Variants in GPHN observed in about 807,000 individuals in gnomAD.
The protein encoded by GPHN is gephyrin.
In GPHN, 17 loss-of-function variants were observed where a neutral mutation model predicts 95.5. The ratio of observed to expected loss-of-function variants is 0.18; its 90% confidence interval spans 0.12 to 0.27. The LOEUF (loss-of-function observed/expected upper bound fraction) is 0.27. Ranked by LOEUF, GPHN falls within the 10% of genes least tolerant of loss-of-function variation. The pLI is 1.00. For synonymous variants in GPHN, 320 were observed against 322.5 expected, an observed-to-expected ratio of 0.99 and a Z score of 0.08; for missense variants, 660 against 978.1, an observed-to-expected ratio of 0.67 and a Z score of 4.34.
At chr14:67,690,420 A>C in the GPHN span, 1,164 of 1,613,778 alleles carry the variant, frequency 7.2e-4, 1 homozygote, top group Non-Finnish European at 9.2e-4. Context: ...GGAGGAAGTG[A>C]CCTGTTGAGA....
chr14:66,979,151 C>T (rs568969564), intron 9 of GPHN, among the ~76,000 whole-genome samples: 1 of 152,256 alleles, frequency 6.6e-6, no homozygotes, highest in African/African-American at 2.4e-5. Context: ...ATAGTACTTC[C>T]AGAATGGTCA....
the GPHN span, chr14:67,320,922 A>G: frequency 7.1e-6 from 5 of 705,582 alleles, no homozygotes; most frequent in Non-Finnish European, 1.2e-5. Flanking sequence ...TTAAACATGT[A>G]GGCACTTAGC....
the GPHN span, chr14:67,390,847 T>C: frequency 2.4e-6 from 2 of 830,086 alleles, no homozygotes; most frequent in Non-Finnish European, 4.3e-6. Context: ...GCCAGCCCGC[T>C]CCAATGGGAC....
At chr14:67,332,814 G>A in the GPHN span, 11 of 1,613,396 alleles carry the variant, frequency 6.8e-6, no homozygotes, top group African/African-American at 1.5e-4. Context: ...GAGAAGACAA[G>A]AGAGATGGAG....
At chr14:66,937,124 GC>G (rs2067168709) in intron 8 of GPHN, among the ~76,000 whole-genome samples, 1 of 151,612 alleles carries the variant, frequency 6.6e-6, no homozygotes, top group Non-Finnish European at 1.5e-5. Context: ...TGCTTCAGCT[GC>G]CCAAGTAGCT....
the GPHN span, among the ~76,000 whole-genome samples, chr14:67,554,264 A>G: frequency 6.6e-6 from 1 of 152,188 alleles, no homozygotes; most frequent in Non-Finnish European, 1.5e-5. Context: ...TAATTAAGGA[A>G]AGCAGAATTT....
At chr14:67,221,558 T>C in the GPHN span, among the ~76,000 whole-genome samples, 2 of 152,350 alleles carry the variant, frequency 1.3e-5, no homozygotes, top group Non-Finnish European at 2.9e-5. Context: ...CAATAAACTT[T>C]TACGGCTTTT....
At chr14:67,722,487 G>T in the GPHN span, 16 of 765,254 alleles carry the variant, frequency 2.1e-5, no homozygotes, top group African/African-American at 2.6e-4. Context: ...TCTGGGCTCT[G>T]CTCAGAGTCA....
At chr14:66,791,284 T>C (rs1566948760) in intron 3 of GPHN, among the ~76,000 whole-genome samples, 1 of 152,220 alleles carries the variant, frequency 6.6e-6, no homozygotes, top group Non-Finnish European at 1.5e-5. Context: ...CTTTGGGGGT[T>C]ATCAGGGAGA....
At chr14:66,996,191 G>C (rs377414909) in intron 9 of GPHN, 2 of 1,533,256 alleles carry the variant, frequency 1.3e-6, no homozygotes, top group Non-Finnish European at 1.7e-6. Flanking sequence ...GGCTTCCCTC[G>C]TGCTCATCTA....
At chr14:67,523,328 A>C in the GPHN span, among the ~76,000 whole-genome samples, 1 of 152,052 alleles carries the variant, frequency 6.6e-6, no homozygotes, top group Non-Finnish European at 1.5e-5. Flanking sequence ...ATCTCAAAAA[A>C]AAAAAAAAGA....
At chr14:67,067,852 A>C (rs574037897) in intron 11 of GPHN, among the ~76,000 whole-genome samples, 1 of 152,274 alleles carries the variant, frequency 6.6e-6, no homozygotes, top group Non-Finnish European at 1.5e-5. Context: ...TTCGAGGTAC[A>C]ATCTGTCACG....
chr14:66,822,202 G>A (rs757465429), intron 3 of GPHN, among the ~76,000 whole-genome samples: 1 of 152,100 alleles, frequency 6.6e-6, no homozygotes, highest in African/African-American at 2.4e-5. Context: ...CACCCACCTC[G>A]GCCTCCCAAA....
chr14:66,964,801 A>C (rs1467098801), intron 8 of GPHN, among the ~76,000 whole-genome samples: 1 of 152,202 alleles, frequency 6.6e-6, no homozygotes, highest in Non-Finnish European at 1.5e-5. Flanking sequence ...GTGTGCATAC[A>C]GGTCAGCTTA....
At chr14:66,562,594 G>A (rs150243240) in intron 1 of GPHN, among the ~76,000 whole-genome samples, 239 of 152,232 alleles carry the variant, frequency 1.6e-3, no homozygotes, top group Non-Finnish European at 2.7e-3. Context: ...TTGGGCTTAC[G>A]TATCCTTTTA....
chr14:67,612,664 C>T, the GPHN span, among the ~76,000 whole-genome samples: 14 of 152,148 alleles, frequency 9.2e-5, no homozygotes, highest in South Asian at 2.7e-3. Context: ...AGGCTGGGTG[C>T]GGTAGCTCAC....
chr14:66,976,915 TGGG>T lies in GPHN; in HGVS notation c.963+11600_963+11602del, dbSNP rs34249632. Among the ~76,000 whole-genome samples, 439 of 81,890 alleles carry T rather than the reference TGGG, an allele frequency of 5.4e-3. 31 individuals carry two copies. The highest frequency in any genetic ancestry group is 0.019 in the African/African-American group (413 of 21,436). The allele number at this position is 81,890 out of a possible 152,430, so 53.7% of individuals were successfully genotyped here. ...TAAATACATGCAGCACAGAAATATG[TGGG>T]GGGGGGGGGAGTACACTCTCACTAG... On this transcript the variant is annotated intron_variant, in intron 9 of 22. Coordinates refer to ENST00000478722, the MANE Select transcript of GPHN (RefSeq NM_020806.5).
intron 11 of GPHN, among the ~76,000 whole-genome samples, chr14:67,059,727 C>T (rs2153649952): frequency 6.6e-6 from 1 of 152,234 alleles, no homozygotes; most frequent in East Asian, 1.9e-4. Flanking sequence ...TTACTGGTGC[C>T]AGATTTTAGC....
the GPHN span, chr14:67,334,461 ACAT>A: frequency 6.6e-6 from 1 of 152,622 alleles, no homozygotes; most frequent in Non-Finnish European, 1.5e-5. Flanking sequence ...AATAATACTG[ACAT>A]CATTTAATTT....
Sources: gnomAD v4.1 joint callset for allele counts (sites outside exome capture counted in the v4.1 genomes callset) on GRCh38, gnomAD v4.1.1 for gene constraint, MANE v1.5 for transcripts, NCBI Gene and HGNC (gene_info 2026-07-23, HGNC 2026-07-21) for gene names.